Variants in FAF1 observed in about 807,000 individuals in gnomAD.
FAF1 encodes the protein FAS-associated factor 1.
Under a neutral mutation model 92.5 loss-of-function variants are expected in FAF1, and 25 were observed. That is an observed-to-expected ratio of 0.27 (90% CI 0.20 to 0.38). The LOEUF (loss-of-function observed/expected upper bound fraction) is 0.38. FAF1 is among the 10% of genes least tolerant of loss of function. The probability of loss-of-function intolerance (pLI) is 1.00; values close to 1 mark genes in which losing one functional copy is unlikely to be tolerated. For missense variants in FAF1, 636 were observed against 793.3 expected, an observed-to-expected ratio of 0.80 and a Z score of 2.38; for synonymous variants, 234 against 273.2, an observed-to-expected ratio of 0.86 and a Z score of 1.42.
At chr1:50,451,078 C>T (rs565195501) in intron 18 of FAF1, among the ~76,000 whole-genome samples, 3 of 152,278 alleles carry the variant, frequency 2.0e-5, no homozygotes, top group Non-Finnish European at 4.4e-5. Context: ...CATTACTGAA[C>T]TGTGACAGAT....
intron 1 of FAF1, among the ~76,000 whole-genome samples, chr1:50,910,156 C>A (rs955327981): frequency 6.6e-6 from 1 of 152,146 alleles, no homozygotes; most frequent in Non-Finnish European, 1.5e-5. Flanking sequence ...CACTCCAGAC[C>A]CTGTTTGCCT....
chr1:50,438,013 ACT>A lies in FAF1; in HGVS notation c.*3425_*3426del, dbSNP rs1234440921. 8.5e-6 allele frequency: 1 copy of A among 117,324 alleles called. No individual in the cohort carries two copies. The highest frequency in any genetic ancestry group is 3.6e-5 in the African/African-American group (1 of 27,494). 7.3% of individuals were successfully genotyped at this position (117,324 alleles called of 1,614,324 possible). A position where few individuals can be genotyped will look rare whatever the true frequency, so the allele number is the denominator to read the frequency against. On this transcript the variant is annotated 3_prime_UTR_variant, in exon 19 of 19. Transcript: ENST00000396153. ...ACTCTAGCCTGAGCGACAGAGCGAG[ACT>A]CTGTCTCAAAAAAAAAAAAAAAAAA...
intron 18 of FAF1, among the ~76,000 whole-genome samples, chr1:50,466,435 G>A (rs1479853586): frequency 2.6e-5 from 4 of 152,160 alleles, no homozygotes; most frequent in Admixed American, 1.3e-4. Flanking sequence ...TGAGTAGATC[G>A]TTGTATGTAG....
At chr1:50,865,494 A>C (rs1294994326) in intron 1 of FAF1, among the ~76,000 whole-genome samples, 2 of 145,248 alleles carry the variant, frequency 1.4e-5, no homozygotes, top group East Asian at 2.0e-4. Flanking sequence ...TACACCGTGG[A>C]ATACTATGCA....
At chr1:50,586,545 A>T (rs1169491112) in intron 9 of FAF1, among the ~76,000 whole-genome samples, 1 of 152,214 alleles carries the variant, frequency 6.6e-6, no homozygotes, top group East Asian at 1.9e-4. Context: ...TGAATAGACA[A>T]GATAATGAAG....
intron 1 of FAF1, among the ~76,000 whole-genome samples, chr1:50,870,030 G>A (rs1342131487): frequency 2.0e-5 from 3 of 152,172 alleles, no homozygotes; most frequent in Admixed American, 2.0e-4. Flanking sequence ...TGCATTTGCT[G>A]AACTTTATGG....
At chr1:50,922,107 C>T (rs945228443) in intron 1 of FAF1, among the ~76,000 whole-genome samples, 11 of 149,804 alleles carry the variant, frequency 7.3e-5, no homozygotes, top group African/African-American at 2.5e-4. Context: ...GCAGAGGTTG[C>T]AGTGAGCTGA....
intron 18 of FAF1, chr1:50,470,812 T>A (rs981678961): frequency 6.6e-6 from 1 of 152,240 alleles, no homozygotes; most frequent in Non-Finnish European, 1.5e-5. Context: ...CATGCAAGAC[T>A]AACTACCACT....
intron 12 of FAF1, chr1:50,582,398 A>G (rs941287835): frequency 2.4e-5 from 11 of 449,290 alleles, no homozygotes; most frequent in Non-Finnish European, 4.0e-5. Context: ...ATGAAAACAG[A>G]AAACGGTGCT....
intron 6 of FAF1, among the ~76,000 whole-genome samples, chr1:50,718,292 T>C (rs1241021400): frequency 6.6e-6 from 1 of 152,108 alleles, no homozygotes; most frequent in Non-Finnish European, 1.5e-5. Context: ...CCTCCCAAAG[T>C]GTTGGGATTA....
At chr1:50,531,747 T>C (rs908856566) in intron 15 of FAF1, among the ~76,000 whole-genome samples, 1 of 152,108 alleles carries the variant, frequency 6.6e-6, no homozygotes, top group African/African-American at 2.4e-5. Flanking sequence ...TGGTTAAAAA[T>C]AGAGCAATCA....
chr1:50,548,667 A>G (rs564254578), intron 13 of FAF1, among the ~76,000 whole-genome samples: 1 of 152,332 alleles, frequency 6.6e-6, no homozygotes, highest in African/African-American at 2.4e-5. Flanking sequence ...TTATGATTCT[A>G]AACTTACTGT....
At chr1:50,634,889 G>A (rs1231330373) in intron 8 of FAF1, among the ~76,000 whole-genome samples, 1 of 152,134 alleles carries the variant, frequency 6.6e-6, no homozygotes. Flanking sequence ...AGGCAGAAAA[G>A]GGTGGTTTCA....
At chr1:50,630,826 A>ATTTTTTTTTTTTTTTTTTTTTTTTT (rs1471050080) in intron 8 of FAF1, among the ~76,000 whole-genome samples, 1 of 125,336 alleles carries the variant, frequency 8.0e-6, no homozygotes. Context: ...AGTGTATCAT[A>ATTTTTTTTTTTTTTTTTTTTTTTTT]TCTTTTTTTT....
chr1:50,656,227 G>C (rs922543327), intron 7 of FAF1, among the ~76,000 whole-genome samples: 3 of 151,878 alleles, frequency 2.0e-5, no homozygotes, highest in East Asian at 3.9e-4. Flanking sequence ...AGCTACTTGG[G>C]AGGCTGAGGC....
At chr1:50,451,297 T>C (rs1232554688) in intron 18 of FAF1, among the ~76,000 whole-genome samples, 1 of 152,202 alleles carries the variant, frequency 6.6e-6, no homozygotes, top group Non-Finnish European at 1.5e-5. Flanking sequence ...CTTTGTTTTA[T>C]TAAATTATAA....
intron 4 of FAF1, among the ~76,000 whole-genome samples, chr1:50,786,835 A>G (rs1661382625): frequency 6.6e-6 from 1 of 152,244 alleles, no homozygotes. Context: ...AGGCCATGTT[A>G]AAGATTTGAA....
intron 8 of FAF1, among the ~76,000 whole-genome samples, chr1:50,648,011 C>T (rs1481383640): frequency 6.6e-6 from 1 of 152,150 alleles, no homozygotes; most frequent in Non-Finnish European, 1.5e-5. Flanking sequence ...CCAATCCTGG[C>T]ACTTTGGGAG....
chr1:50,843,494 T>C (rs1489817981), intron 2 of FAF1, among the ~76,000 whole-genome samples: 3 of 152,100 alleles, frequency 2.0e-5, no homozygotes, highest in African/African-American at 7.2e-5. Flanking sequence ...ATTCCTTCTA[T>C]CTACTTTTGT....
Sources: gnomAD v4.1 joint callset for allele counts (sites outside exome capture counted in the v4.1 genomes callset) on GRCh38, gnomAD v4.1.1 for gene constraint, MANE v1.5 for transcripts, NCBI Gene and HGNC (gene_info 2026-07-23, HGNC 2026-07-21) for gene names.